Variants in UNC13C observed in about 807,000 individuals in gnomAD.
The protein encoded by UNC13C is unc-13 homolog C, also known as protein unc-13 homolog C.
UNC13C carries 174 observed loss-of-function variants against 245.4 expected under a neutral mutation model. The observed-to-expected ratio is 0.71, with a 90% CI of 0.63 to 0.80. UNC13C has a LOEUF of 0.80. UNC13C is among the 30% of genes least tolerant of loss of function. The pLI, the probability that UNC13C is intolerant of heterozygous loss-of-function variation, is 0.00. For synonymous variants in UNC13C, 992 were observed against 895.1 expected (o/e 1.11, Z -1.93); for missense variants, 2,829 against 2,602.9 (o/e 1.09, Z -1.89).
At chr15:54,061,753 CA>C (rs1897847468) in intron 2 of UNC13C, among the ~76,000 whole-genome samples, 1 of 152,130 alleles carries the variant, frequency 6.6e-6, no homozygotes, top group South Asian at 2.1e-4. Flanking sequence ...TCACTGTATG[CA>C]GCCTGATAAT....
chr15:54,380,919 C>G (rs1045034262), intron 17 of UNC13C, among the ~76,000 whole-genome samples: 3 of 152,114 alleles, frequency 2.0e-5, no homozygotes, highest in African/African-American at 7.2e-5. Context: ...TGTCCCTTCA[C>G]TATTTTGAGT....
At chr15:54,186,380 T>C (rs1052914040) in intron 4 of UNC13C, among the ~76,000 whole-genome samples, 1 of 152,160 alleles carries the variant, frequency 6.6e-6, no homozygotes, top group South Asian at 2.1e-4. Context: ...TAAATTTCCT[T>C]TGCTGAAAGT....
chr15:53,956,260 C>T, the UNC13C span, among the ~76,000 whole-genome samples: 1 of 152,052 alleles, frequency 6.6e-6, no homozygotes, highest in African/African-American at 2.4e-5. Flanking sequence ...CAATCGCATC[C>T]CAAACCTCAG....
At chr15:54,284,381 A>T (rs1417412773) in intron 10 of UNC13C, among the ~76,000 whole-genome samples, 2 of 152,192 alleles carry the variant, frequency 1.3e-5, no homozygotes. Flanking sequence ...TATTATGCAA[A>T]CGATTTTGAA....
chr15:54,455,169 C>CTCTCTCTCTCTCTG (rs1567288712), intron 19 of UNC13C, among the ~76,000 whole-genome samples: 5 of 21,628 alleles, frequency 2.3e-4, no homozygotes, highest in South Asian at 3.6e-3. Context: ...ATATTCCTCT[C>CTCTCTCTCTCTCTG]TCTCTCTCTC....
rs564887823 is a variant in UNC13C, at chr15:54,053,940, G to A, written c.2983+38054G>A. ...ATTTCACTTAACATAGTGACTTTCAGTTCTATTCATGTTGTTGCAAATGAC... is the reference window on the plus strand; with the variant it reads ...ATTTCACTTAACATAGTGACTTTCAATTCTATTCATGTTGTTGCAAATGAC... On this transcript the variant is annotated intron_variant, in intron 2 of 32. Coordinates refer to ENST00000260323, the MANE Select transcript of UNC13C (RefSeq NM_001080534.3). Among the ~76,000 whole-genome samples the A allele has an allele frequency of 1.1e-4, 16 of 152,210 alleles. No homozygotes were observed. The South Asian group carries it at 2.9e-3, about 28-fold the overall frequency.
the UNC13C span, among the ~76,000 whole-genome samples, chr15:53,876,911 C>T: frequency 1.3e-5 from 2 of 152,122 alleles, no homozygotes; most frequent in Non-Finnish European, 2.9e-5. Flanking sequence ...AGTTTGATGT[C>T]TAGTGAGATA....
chr15:54,506,372 A>C (rs976364386), intron 22 of UNC13C, among the ~76,000 whole-genome samples: 2 of 152,134 alleles, frequency 1.3e-5, no homozygotes, highest in African/African-American at 2.4e-5. Context: ...AGTATGTCTA[A>C]AGTAAAATTT....
rs530034768 is a variant in UNC13C at position 54,058,387 on chromosome 15, A to G, written c.2983+42501A>G. 6.6e-5 allele frequency among the ~76,000 whole-genome samples: 10 copies of G among 152,356 alleles called. No individual in the cohort carries two copies. In the East Asian group the frequency reaches 1.9e-3, roughly 29 times the overall value. Reference sequence around the variant, plus strand: ...AAGGAATGGATAAGTTCCTCGACACATACACTCTCCCAAGACTAAACCAGG... The same window carrying G: ...AAGGAATGGATAAGTTCCTCGACACGTACACTCTCCCAAGACTAAACCAGG... On this transcript the variant is annotated intron_variant, in intron 2 of 32. Coordinates refer to ENST00000260323, the MANE Select transcript of UNC13C (RefSeq NM_001080534.3).
At chr15:54,197,938 G>T (rs2034408218) in intron 4 of UNC13C, among the ~76,000 whole-genome samples, 1 of 152,056 alleles carries the variant, frequency 6.6e-6, no homozygotes, top group Non-Finnish European at 1.5e-5. Context: ...CCTCAGCCCT[G>T]GTCACCAGCT....
chr15:54,128,581 G>A (rs977836307), intron 2 of UNC13C, among the ~76,000 whole-genome samples: 29 of 152,106 alleles, frequency 1.9e-4, no homozygotes, highest in African/African-American at 7.0e-4. Flanking sequence ...CAGTTAGGGT[G>A]TTATGTTTAA....
chr15:54,259,453 A>C (rs2036366546), intron 8 of UNC13C, among the ~76,000 whole-genome samples: 1 of 152,230 alleles, frequency 6.6e-6, no homozygotes, highest in Non-Finnish European at 1.5e-5. Flanking sequence ...CAAGAAAAAG[A>C]ATAAGAAGCA....
intron 7 of UNC13C, among the ~76,000 whole-genome samples, chr15:54,244,304 T>C (rs1052619868): frequency 1.3e-5 from 2 of 152,142 alleles, no homozygotes; most frequent in African/African-American, 2.4e-5. Context: ...TTGTTTCTTA[T>C]TTCTCTATTC....
intron 19 of UNC13C, among the ~76,000 whole-genome samples, chr15:54,464,157 C>T (rs1892042393): frequency 6.6e-6 from 1 of 152,140 alleles, no homozygotes; most frequent in Non-Finnish European, 1.5e-5. Flanking sequence ...TATCAATATG[C>T]TCAATATTTA....
chr15:54,038,788 C>T (rs1896696078), intron 2 of UNC13C, among the ~76,000 whole-genome samples: 1 of 152,092 alleles, frequency 6.6e-6, no homozygotes, highest in Non-Finnish European at 1.5e-5. Flanking sequence ...CCAAAGACTC[C>T]TATGTTTAAT....
chr15:54,462,617 G>A (rs1891911070), intron 19 of UNC13C, among the ~76,000 whole-genome samples: 1 of 152,240 alleles, frequency 6.6e-6, no homozygotes, highest in African/African-American at 2.4e-5. Flanking sequence ...TGCGGAGGGG[G>A]CGCCGGGTCC....
chr15:54,246,604 A>G (rs2035998943), intron 7 of UNC13C, among the ~76,000 whole-genome samples: 1 of 152,208 alleles, frequency 6.6e-6, no homozygotes, highest in Admixed American at 6.5e-5. Context: ...ATCTTAAAAT[A>G]CATATTTTTT....
At chr15:54,104,408 C>T (rs1385342596) in intron 2 of UNC13C, among the ~76,000 whole-genome samples, 1 of 151,872 alleles carries the variant, frequency 6.6e-6, no homozygotes, top group African/African-American at 2.4e-5. Context: ...ATTTTTTTCC[C>T]CCTGGCCACA....
At chr15:54,299,629 C>T (rs2037524377) in intron 12 of UNC13C, among the ~76,000 whole-genome samples, 1 of 151,984 alleles carries the variant, frequency 6.6e-6, no homozygotes, top group South Asian at 2.1e-4. Flanking sequence ...ATCTAAAGTG[C>T]CTTAGGAAGG....
Sources: gnomAD v4.1 joint callset for allele counts (sites outside exome capture counted in the v4.1 genomes callset) on GRCh38, gnomAD v4.1.1 for gene constraint, MANE v1.5 for transcripts, NCBI Gene and HGNC (gene_info 2026-07-23, HGNC 2026-07-21) for gene names.